ARHGEF26: variants seen among roughly 807,000 people sequenced by gnomAD.
ARHGEF26 encodes Rho guanine nucleotide exchange factor 26.
A neutral mutation model predicts 89.4 loss-of-function variants in ARHGEF26; 59 were observed. The observed-to-expected ratio is 0.66, with a 90% CI of 0.54 to 0.82. The LOEUF is 0.82. Among genes scored for constraint, ARHGEF26 ranks in the 40% least tolerant of loss-of-function variants. The pLI is 0.00. For synonymous variants in ARHGEF26, 500 were observed against 428.4 expected, an observed-to-expected ratio of 1.17 and a Z score of -2.06; for missense variants, 1,234 against 1,085.6, an observed-to-expected ratio of 1.14 and a Z score of -1.92.
At chr3:154,181,079 C>T (rs150410408) in intron 6 of ARHGEF26, among the ~76,000 whole-genome samples, 5 of 152,262 alleles carry the variant, frequency 3.3e-5, no homozygotes, top group East Asian at 1.9e-4. Flanking sequence ...TCTCCCTGAT[C>T]CAGTATGTCA....
chr3:154,238,931 G>C (rs928171884), intron 11 of ARHGEF26, among the ~76,000 whole-genome samples: 1 of 152,080 alleles, frequency 6.6e-6, no homozygotes, highest in Non-Finnish European at 1.5e-5. Flanking sequence ...GGGGGGAGGC[G>C]GAAGGTTGTA....
At chr3:154,136,711 T>C (rs1386985516) in intron 4 of ARHGEF26, among the ~76,000 whole-genome samples, 4 of 152,232 alleles carry the variant, frequency 2.6e-5, no homozygotes, top group Non-Finnish European at 5.9e-5. Context: ...CTTATTCTTT[T>C]CCCTAAATTT....
chr3:154,217,363 C>A (rs1464367561), intron 9 of ARHGEF26, among the ~76,000 whole-genome samples: 1 of 151,996 alleles, frequency 6.6e-6, no homozygotes, highest in African/African-American at 2.4e-5. Flanking sequence ...ATGTCCTTCA[C>A]CCACTTTCTG....
chr3:154,157,684 G>GC (rs534563570), intron 6 of ARHGEF26, among the ~76,000 whole-genome samples: 125 of 152,164 alleles, frequency 8.2e-4, no homozygotes, highest in Non-Finnish European at 1.5e-3. Flanking sequence ...TGCTGAAAAG[G>GC]CGGGGTCCTC....
intron 4 of ARHGEF26, among the ~76,000 whole-genome samples, chr3:154,134,796 G>T (rs1718905595): frequency 6.6e-6 from 1 of 151,530 alleles, no homozygotes; most frequent in Admixed American, 6.6e-5. Flanking sequence ...ATGAATCAAT[G>T]TTGAATTTTA....
intron 9 of ARHGEF26, among the ~76,000 whole-genome samples, chr3:154,212,068 A>G (rs999947706): frequency 2.6e-5 from 4 of 152,140 alleles, no homozygotes; most frequent in African/African-American, 7.2e-5. Flanking sequence ...GCCAAGTGCA[A>G]TGGCTCATAC....
chr3:154,174,491 C>A (rs1361245187), intron 6 of ARHGEF26, among the ~76,000 whole-genome samples: 2 of 152,006 alleles, frequency 1.3e-5, no homozygotes, highest in South Asian at 2.1e-4. Context: ...CCTCAGAGAG[C>A]CTCTCTACAA....
intron 4 of ARHGEF26, among the ~76,000 whole-genome samples, chr3:154,134,569 A>G (rs886667673): frequency 1.3e-5 from 2 of 152,156 alleles, no homozygotes; most frequent in African/African-American, 2.4e-5. Flanking sequence ...TGGGAATTCA[A>G]TATGAGATTT....
At chr3:154,233,539 G>T (rs1332214931) in intron 11 of ARHGEF26, among the ~76,000 whole-genome samples, 2 of 152,170 alleles carry the variant, frequency 1.3e-5, no homozygotes, top group Admixed American at 1.3e-4. Context: ...TAACTCCTGT[G>T]TATCAGTGCT....
rs57901187 is a variant in ARHGEF26 at position 154,252,997 on chromosome 3, A to G, written c.2301-119A>G. On this transcript the variant is annotated intron_variant, in intron 12 of 14. Transcript: ENST00000465093. ...TAAACTACTCTCACCCTGTTTTACC[A>G]TACCTCTCTAGAGAATCTCTTGTTT... The G allele has an allele frequency of 2.6e-3, 2,839 of 1,093,740 alleles. 49 individuals carry two copies. The African/African-American group carries it at 0.04, about 15-fold the overall frequency. 67.8% of individuals were successfully genotyped at this position (1,093,740 alleles called of 1,614,324 possible). A position where few individuals can be genotyped will look rare whatever the true frequency, so the allele number is the denominator to read the frequency against.
intron 6 of ARHGEF26, among the ~76,000 whole-genome samples, chr3:154,169,085 T>C (rs1474371402): frequency 6.6e-6 from 1 of 152,086 alleles, no homozygotes; most frequent in Non-Finnish European, 1.5e-5. Flanking sequence ...TATTACTTTA[T>C]AGATGAGGAA....
chr3:154,125,541 T>A (rs901952037), intron 3 of ARHGEF26, among the ~76,000 whole-genome samples: 2 of 152,182 alleles, frequency 1.3e-5, no homozygotes, highest in African/African-American at 4.8e-5. Flanking sequence ...TTGCTGCTTC[T>A]TATAGCACTC....
At chr3:154,191,452 T>C (rs1713954934) in intron 8 of ARHGEF26, 34 bp downstream of exon 8, 1 of 1,592,644 alleles carries the variant, frequency 6.3e-7, no homozygotes, top group Non-Finnish European at 8.5e-7. Context: ...CCTCTGTGGA[T>C]AGCTGTGCTT....
At chr3:154,151,321 A>C (rs1338342150) in intron 5 of ARHGEF26, among the ~76,000 whole-genome samples, 1 of 152,228 alleles carries the variant, frequency 6.6e-6, no homozygotes, top group Admixed American at 6.5e-5. Context: ...TGTTGAATTC[A>C]GCAATATTAA....
chr3:154,204,333 CTTTTTTTTT>C (rs55822103), intron 9 of ARHGEF26, among the ~76,000 whole-genome samples: 2 of 113,350 alleles, frequency 1.8e-5, no homozygotes, highest in Admixed American at 1.1e-4. Context: ...TTTTCTTTTC[CTTTTTTTTT>C]TTTTTTTTTG....
In ARHGEF26 at chr3:154,256,825, C is replaced by T. The variant is rs997995929; in HGVS notation, c.*1352C>T. 8.5e-6 allele frequency: 13 copies of T among 1,527,856 alleles called. No homozygotes were observed. The African/African-American group carries it at 1.5e-4, about 18-fold the overall frequency. The allele number at this position is 1,527,856 out of a possible 1,614,324, so 94.6% of individuals were successfully genotyped here. On this transcript the variant is annotated 3_prime_UTR_variant, in exon 15 of 15. Coordinates refer to ENST00000465093, the MANE Select transcript of ARHGEF26 (RefSeq NM_015595.4). ...CCTTAACTTGCTGTATTCAGAGTCC[C>T]TCTTAACTGTGAGTTTCTATAGAAC...
intron 4 of ARHGEF26, among the ~76,000 whole-genome samples, chr3:154,144,938 T>C (rs1719608519): frequency 6.6e-6 from 1 of 152,208 alleles, no homozygotes; most frequent in South Asian, 2.1e-4. Context: ...TCCTTCTACT[T>C]TTTCTTTCCT....
intron 12 of ARHGEF26, among the ~76,000 whole-genome samples, chr3:154,244,115 T>A (rs1302078807): frequency 6.6e-6 from 1 of 152,240 alleles, no homozygotes; most frequent in Non-Finnish European, 1.5e-5. Context: ...ATTCTAGCCT[T>A]AAGTAATTGA....
At chr3:154,206,423 CA>C (rs1229497358) in intron 9 of ARHGEF26, among the ~76,000 whole-genome samples, 2 of 152,288 alleles carry the variant, frequency 1.3e-5, no homozygotes, top group African/African-American at 4.8e-5. Flanking sequence ...AGTCTCAGGA[CA>C]CAGAATTAAT....
Sources: allele counts gnomAD v4.1 joint callset (sites outside exome capture counted in the v4.1 genomes callset), GRCh38; gene constraint gnomAD v4.1.1; transcripts MANE v1.5; gene names NCBI Gene and HGNC (gene_info 2026-07-23, HGNC 2026-07-21).